The following TP53INP2 variants were observed in gnomAD, a reference collection of about 807,000 sequenced individuals.
TP53INP2 encodes the protein tumor protein p53 inducible nuclear protein 2.
In TP53INP2, 12 loss-of-function variants were observed where a neutral mutation model predicts 17.1. The observed-to-expected ratio is 0.70, with a 90% CI of 0.45 to 1.14. The LOEUF is 1.14. Among genes scored for constraint, TP53INP2 ranks in the 50% most tolerant of loss-of-function variants. TP53INP2 has a pLI of 0.00. For missense variants in TP53INP2, 342 were observed against 330.9 expected (o/e 1.03, Z -0.26); for synonymous variants, 145 against 147.3 (o/e 0.98, Z 0.12).
At chr20:34,707,674 C>G (rs971586345) in intron 2 of TP53INP2, among the ~76,000 whole-genome samples, 52 of 152,150 alleles carry the variant, frequency 3.4e-4, no homozygotes, top group Non-Finnish European at 1.5e-5. Context: ...CTTCTCTGAG[C>G]CTCAATTTCT....
Position 34,708,837 on chromosome 20 carries a change from A to G in TP53INP2, c.98A>G (p.Asp33Gly). 1 of 1,613,574 alleles carries G rather than the reference A, an allele frequency of 6.2e-7. No homozygotes were observed. The highest frequency in any genetic ancestry group is 1.1e-5 in the South Asian group (1 of 91,044). Residue 33 changes from aspartate (D) to glycine (G), a missense_variant, in exon 3 of 5, where the codon GAC (aspartate) becomes GGC (glycine). Asp to Gly is a moderately conservative substitution (Grantham distance 94). Transcript: ENST00000374810. ...RAFVSEEDEV[D>G]GWLIIDLPDS... Reference sequence around the variant, plus strand: ...TTCGTGTCGGAGGAGGATGAAGTGGACGGCTGGCTCATCATTGACCTGCCG... The same window carrying G: ...TTCGTGTCGGAGGAGGATGAAGTGGGCGGCTGGCTCATCATTGACCTGCCG...
intron 2 of TP53INP2, among the ~76,000 whole-genome samples, chr20:34,707,962 CG>C (rs575612828): frequency 1.0e-3 from 153 of 152,268 alleles, no homozygotes; most frequent in Non-Finnish European, 1.9e-3. Flanking sequence ...GGGTTCACCA[CG>C]TTGGCCAGGC....
Position 34,709,379 on chromosome 20 carries a change from C to T in TP53INP2, c.268C>T (p.Arg90Cys). 1 of 1,613,844 alleles carries T rather than the reference C, an allele frequency of 6.2e-7. No individual in the cohort carries two copies. The highest frequency in any genetic ancestry group is 8.5e-7 in the Non-Finnish European group (1 of 1,179,872). Residue 90 changes from arginine to cysteine, a missense_variant, in exon 4 of 5, where the codon CGC (arginine) becomes TGC (cysteine). Transcript: ENST00000374810. The surrounding 1 kb of genome is among the most constrained non-coding windows in gnomAD (Gnocchi z 5.4). Reference protein sequence around the residue: ...TAEGPGLGPARLQSSPLEDLL... With the variant: ...TAEGPGLGPACLQSSPLEDLL... The stretch of plus-strand genomic sequence containing the variant: ...AGAGGGGCCTGGACTCGGTCCCGCC[C>T]GCCTCCAGAGCAGTCCCCTGGAGGA...
In TP53INP2 at chr20:34,709,148, G is replaced by A. The variant is rs1230326076; in HGVS notation, c.125-88G>A. The A allele has an allele frequency of 1.4e-6, 2 of 1,439,192 alleles. No individual in the cohort carries two copies. Among genetic ancestry groups the A allele is most frequent in the Non-Finnish European group, 1.8e-6 (2 of 1,100,758 alleles). 89.2% of individuals were successfully genotyped at this position (1,439,192 alleles called of 1,614,324 possible). ...GACTAACGATGCCCTTTCTCTCCCC[G>A]CCCCCTTGTCCGGTGTGTGTGTGTG... is the stretch of plus-strand genomic sequence containing the variant. On this transcript the variant is annotated intron_variant, in intron 3 of 4. Coordinates refer to ENST00000374810, the MANE Select transcript of TP53INP2 (RefSeq NM_021202.3). The surrounding 1 kb of genome is among the most constrained non-coding windows in gnomAD (Gnocchi z 5.4).
intron 2 of TP53INP2, 94 bp from the exon 3 acceptor site, chr20:34,708,597 C>G (rs1988053938): frequency 2.9e-6 from 2 of 684,378 alleles, no homozygotes; most frequent in Admixed American, 5.6e-5. Flanking sequence ...ACCCTTCTCC[C>G]TGCTCTGGGG....
Position 34,708,815 on chromosome 20 carries a change from G to C in TP53INP2, c.76G>C (p.Val26Leu). The change falls in exon 3 of 5, where the codon GTG becomes CTG. Residue 26 changes from valine (V) to leucine (L), a missense_variant. Coordinates refer to ENST00000374810, the MANE Select transcript of TP53INP2 (RefSeq NM_021202.3). ...PEDPDCPRAF[V>L]SEEDEVDGWL... ...AGACCCCGACTGCCCCCGCGCCTTC[G>C]TGTCGGAGGAGGATGAAGTGGACGG... 1 of 1,611,920 alleles carries C rather than the reference G, an allele frequency of 6.2e-7. No homozygotes were observed. Among genetic ancestry groups the C allele is most frequent in the Non-Finnish European group, 8.5e-7 (1 of 1,179,008 alleles).
chr20:34,706,555 T>G (rs1408754782), intron 2 of TP53INP2, among the ~76,000 whole-genome samples: 1 of 152,174 alleles, frequency 6.6e-6, no homozygotes, highest in African/African-American at 2.4e-5. Flanking sequence ...ATACATGAAT[T>G]GTGCTGGGTG....
rs774763064 is a variant in TP53INP2 at position 34,709,536 on chromosome 20, G to A, written c.413+12G>A. ...GACCTCAGCGAAGGGTGAGCGGGCC[G>A]GGGGCGGAGCCTGGAGGCCCAGGGA... is the stretch of plus-strand genomic sequence containing the variant. On this transcript the variant is annotated intron_variant, in intron 4 of 4. Transcript: ENST00000374810. The surrounding 1 kb of genome is among the most constrained non-coding windows in gnomAD (Gnocchi z 5.4). 6.3e-6 allele frequency: 10 copies of A among 1,599,630 alleles called. No homozygotes were observed. The South Asian group carries it at 1.1e-4, about 18-fold the overall frequency.
intron 2 of TP53INP2, among the ~76,000 whole-genome samples, chr20:34,708,471 G>A (rs1374788159): frequency 6.6e-6 from 1 of 151,914 alleles, no homozygotes; most frequent in Non-Finnish European, 1.5e-5. Context: ...AGAAAACTAA[G>A]GCACAGATAA....
At chr20:34,705,578 C>G (rs1987988421) in intron 2 of TP53INP2, 104 bp downstream of exon 2, 1 of 152,126 alleles carries the variant, frequency 6.6e-6, no homozygotes, top group African/African-American at 2.4e-5. Context: ...CTTCCTAGGT[C>G]GTCAGCTAGG....
Position 34,711,703 on chromosome 20 carries a change from G to C in TP53INP2, c.*1396G>C, listed in dbSNP as rs1988203670. Reference sequence around the variant, plus strand: ...CCTGGGGGAGACAGAAGGGGCAGGGGCCACCAGCCTCCCCTTCTTGTGGTG... The same window carrying C: ...CCTGGGGGAGACAGAAGGGGCAGGGCCCACCAGCCTCCCCTTCTTGTGGTG... On this transcript the variant is annotated 3_prime_UTR_variant, in exon 5 of 5. Coordinates refer to ENST00000374810, the MANE Select transcript of TP53INP2 (RefSeq NM_021202.3). The surrounding 1 kb of genome is among the most constrained non-coding windows in gnomAD (Gnocchi z 4.1). 1.3e-5 allele frequency: 2 copies of C among 152,720 alleles called. No individual in the cohort carries two copies. The highest frequency in any genetic ancestry group is 6.5e-5 in the Admixed American group (1 of 15,294). 9.5% of individuals were successfully genotyped at this position (152,720 alleles called of 1,614,324 possible). A position where few individuals can be genotyped will look rare whatever the true frequency, so the allele number is the denominator to read the frequency against.
intron 1 of TP53INP2, among the ~76,000 whole-genome samples, chr20:34,705,003 G>A (rs1987976398): frequency 6.6e-6 from 1 of 151,956 alleles, no homozygotes; most frequent in South Asian, 2.1e-4. Context: ...CCCTCCCTCC[G>A]GCTCCAGACT....
chr20:34,710,006 G>GCCT lies in TP53INP2; in HGVS notation c.414-52_414-51insCCT. 1.6e-6 allele frequency: 2 copies of GCCT among 1,244,696 alleles called. No individual in the cohort carries two copies. Among genetic ancestry groups the GCCT allele is most frequent in the Non-Finnish European group, 2.0e-6 (2 of 985,428 alleles). 77.1% of individuals were successfully genotyped at this position (1,244,696 alleles called of 1,614,324 possible). On this transcript the variant is annotated intron_variant, in intron 4 of 4. Coordinates refer to ENST00000374810, the MANE Select transcript of TP53INP2 (RefSeq NM_021202.3). This position sits in a 1 kb window ranked among gnomAD's most constrained non-coding sequence, Gnocchi z 4.9. The stretch of plus-strand genomic sequence containing the variant: ...GGGTGGGAGATGGCAGCGCCCTCTA[G>GCCT]ACCCCCCGCCCAGCTTACCCGGCTT...
intron 2 of TP53INP2, among the ~76,000 whole-genome samples, chr20:34,708,109 C>T (rs1988042151): frequency 6.6e-6 from 1 of 152,190 alleles, no homozygotes; most frequent in African/African-American, 2.4e-5. Flanking sequence ...AATTTCCTCC[C>T]TGCCTGGAGA....
chr20:34,709,131 A>G lies in TP53INP2; in HGVS notation c.125-105A>G, dbSNP rs1209788288. Reference sequence around the variant, plus strand: ...GGACGGGCTGCGGGTCTGACTAACGATGCCCTTTCTCTCCCCGCCCCCTTG... The same window carrying G: ...GGACGGGCTGCGGGTCTGACTAACGGTGCCCTTTCTCTCCCCGCCCCCTTG... On this transcript the variant is annotated intron_variant, in intron 3 of 4. Transcript: ENST00000374810. The surrounding 1 kb of genome is among the most constrained non-coding windows in gnomAD (Gnocchi z 5.4). 41 of 1,450,724 alleles carry G rather than the reference A, an allele frequency of 2.8e-5. No individual in the cohort carries two copies. Among genetic ancestry groups the G allele is most frequent in the East Asian group, 1.3e-4 (5 of 39,964 alleles). The allele number at this position is 1,450,724 out of a possible 1,614,324, so 89.9% of individuals were successfully genotyped here.
Position 34,709,252 on chromosome 20 carries a change from ACCCAGCCCCGGGGCCGC to A in TP53INP2, c.145_161del (p.Ser49CysfsTer78), listed in dbSNP as rs1171838952. On this transcript the variant is annotated frameshift_variant, in exon 4 of 5. Coordinates refer to ENST00000374810, the MANE Select transcript of TP53INP2 (RefSeq NM_021202.3). LOFTEE classifies it high-confidence loss of function. This position sits in a 1 kb window ranked among gnomAD's most constrained non-coding sequence, Gnocchi z 5.4. The stretch of plus-strand genomic sequence containing the variant: ...GCCCCGTAGACAGCTACGCGGCTCC[ACCCAGCCCCGGGGCCGC>A]CCCTGCCCCCGCGGGCCGCCCTCCG... The A allele has an allele frequency of 6.4e-7, 1 of 1,570,472 alleles. No individual in the cohort carries two copies. Among genetic ancestry groups the A allele is most frequent in the Non-Finnish European group, 8.6e-7 (1 of 1,158,450 alleles).
rs1278887732 is a variant in TP53INP2, at chr20:34,710,936, G to A, written c.*629G>A. On this transcript the variant is annotated 3_prime_UTR_variant, in exon 5 of 5. Coordinates refer to ENST00000374810, the MANE Select transcript of TP53INP2 (RefSeq NM_021202.3). This position sits in a 1 kb window ranked among gnomAD's most constrained non-coding sequence, Gnocchi z 4.9. ...CTGTGGAGCTGCTTAGGCCTGGAAA[G>A]GTACAGTATGTAGAAGAGGACTGTG... The A allele has an allele frequency of 7.9e-5, 12 of 152,458 alleles. No homozygotes were observed. Among genetic ancestry groups the A allele is most frequent in the Admixed American group, 7.9e-4 (12 of 15,282 alleles). The allele number at this position is 152,458 out of a possible 1,614,324, so 9.4% of individuals were successfully genotyped here. A position where few individuals can be genotyped will look rare whatever the true frequency, so the allele number is the denominator to read the frequency against.
Position 34,708,712 on chromosome 20 carries a change from G to A in TP53INP2, c.-28G>A. 6.4e-7 allele frequency: 1 copy of A among 1,555,880 alleles called. No homozygotes were observed. On this transcript the variant is annotated 5_prime_UTR_variant, in exon 3 of 5. Transcript: ENST00000374810. ...CCAGGTTTTTGCACTGCCATAGGGC[G>A]CCCCCGTGAGGCGCTTCGCCCCCCA... is the stretch of plus-strand genomic sequence containing the variant.
At chr20:34,708,932 G>A (rs934659674) in intron 3 of TP53INP2, 69 bp downstream of exon 3, 2 of 1,569,752 alleles carry the variant, frequency 1.3e-6, no homozygotes, top group African/African-American at 1.4e-5. Context: ...CAGCGGAGGG[G>A]AAGGGCGCTG....
Sources: allele counts gnomAD v4.1 joint callset (sites outside exome capture counted in the v4.1 genomes callset), GRCh38; gene constraint gnomAD v4.1.1; non-coding constraint Gnocchi (gnomAD v3.1); transcripts MANE v1.5; gene names NCBI Gene and HGNC (gene_info 2026-07-23, HGNC 2026-07-21).